The following AGBL1 variants were observed in gnomAD, a reference collection of about 807,000 sequenced individuals.
AGBL1 encodes AGBL carboxypeptidase 1.
A neutral mutation model predicts 118.9 loss-of-function variants in AGBL1; 130 were observed. That is an observed-to-expected ratio of 1.09 (90% CI 0.95 to 1.26). The LOEUF (loss-of-function observed/expected upper bound fraction) is 1.26. Among genes scored for constraint, AGBL1 ranks in the 50% most tolerant of loss-of-function variants. AGBL1 has a pLI of 0.00. For missense variants in AGBL1, 1,584 were observed against 1,298.1 expected (o/e 1.22, Z -3.38); for synonymous variants, 555 against 478.9 (o/e 1.16, Z -2.08).
intron 24 of AGBL1, among the ~76,000 whole-genome samples, chr15:87,003,430 A>G (rs191126087): frequency 1.1e-4 from 17 of 151,266 alleles, no homozygotes; most frequent in African/African-American, 3.9e-4. Flanking sequence ...ATATTGGTCT[A>G]AAATTCTCTT....
chr15:86,857,817 G>C lies in AGBL1; in HGVS notation c.3159-49270G>C, dbSNP rs115250153. Among the ~76,000 whole-genome samples, 688 of 152,306 alleles carry C rather than the reference G, an allele frequency of 4.5e-3. 7 individuals carry two copies. Among genetic ancestry groups the C allele is most frequent in the African/African-American group, 0.016 (653 of 41,586 alleles). On this transcript the variant is annotated intron_variant, in intron 22 of 22. Transcript: ENST00000614907. ...GGTCTCAATAAATATTCACTGGCAT[G>C]ATGAGTTAATCCACTCCAGTCGGCC...
chr15:86,920,403 A>G (rs561367990), downstream of AGBL1, among the ~76,000 whole-genome samples: 2 of 152,170 alleles, frequency 1.3e-5, no homozygotes, highest in Non-Finnish European at 2.9e-5. Context: ...TTAATAGGCT[A>G]GTGTGATTAG....
At chr15:86,838,301 A>G (rs1411816523) in intron 22 of AGBL1, among the ~76,000 whole-genome samples, 2 of 152,174 alleles carry the variant, frequency 1.3e-5, no homozygotes, top group Non-Finnish European at 2.9e-5. Context: ...TTAGTGTGTT[A>G]TATACCAAGC....
chr15:86,687,685 T>C (rs2086084311), intron 22 of AGBL1, among the ~76,000 whole-genome samples: 1 of 152,194 alleles, frequency 6.6e-6, no homozygotes, highest in Admixed American at 6.5e-5. Flanking sequence ...CAAGTTGCTA[T>C]GGAGTAGATT....
In AGBL1 at chr15:86,147,114, G is replaced by T. The variant is rs535160800; in HGVS notation, c.262+3269G>T. Among the ~76,000 whole-genome samples the T allele has an allele frequency of 5.1e-4, 77 of 152,300 alleles. 3 individuals carry two copies. In the South Asian group the frequency reaches 0.016, roughly 31 times the overall value. On this transcript the variant is annotated intron_variant, in intron 3 of 22. Coordinates refer to ENST00000614907, the MANE Select transcript of AGBL1 (RefSeq NM_001386094.1). ...CTGTCAGGTTATTTGGAACAGTAATGTAGAAATATTAGAGGGGAAATAGGG... is the reference window on the plus strand; with the variant it reads ...CTGTCAGGTTATTTGGAACAGTAATTTAGAAATATTAGAGGGGAAATAGGG...
chr15:86,515,779 G>C (rs185329830), intron 18 of AGBL1, among the ~76,000 whole-genome samples: 1 of 152,272 alleles, frequency 6.6e-6, no homozygotes, highest in Non-Finnish European at 1.5e-5. Flanking sequence ...TGTTGGTCTT[G>C]TGAACACAAA....
At position 86,867,963 on chromosome 15, in the gene AGBL1, C is replaced by A. The variant is rs1228884902; in HGVS notation, c.3159-39124C>A. ...ATAGCAATCGTTACAGAGAGGTGAG[C>A]CCTTATTTTGGTGTTTCATAAATGC... On this transcript the variant is annotated intron_variant, in intron 22 of 22. Transcript: ENST00000614907. Among the ~76,000 whole-genome samples, 4 of 152,086 alleles carry A rather than the reference C, an allele frequency of 2.6e-5. No homozygotes were observed. In the East Asian group the frequency reaches 7.7e-4, roughly 29 times the overall value.
chr15:86,992,928 T>C, intron 24 of AGBL1, among the ~76,000 whole-genome samples: 1 of 152,126 alleles, frequency 6.6e-6, no homozygotes, highest in East Asian at 1.9e-4. Context: ...ACTTGAGCTA[T>C]GCAAAGAGAC....
intron 23 of AGBL1, among the ~76,000 whole-genome samples, chr15:86,948,070 T>C (rs2080844029): frequency 6.6e-6 from 1 of 152,092 alleles, no homozygotes; most frequent in South Asian, 2.1e-4. Context: ...GCTATACTGG[T>C]TTAACATTTT....
intron 7 of AGBL1, 66 bp from the exon 8 acceptor site, chr15:86,256,787 A>G: frequency 2.0e-6 from 3 of 1,536,778 alleles, no homozygotes; most frequent in Non-Finnish European, 2.7e-6. Context: ...GAGTGTTATT[A>G]GCTGTGTTAC....
chr15:86,403,749 G>T (rs1024901321), intron 18 of AGBL1, among the ~76,000 whole-genome samples: 1 of 152,148 alleles, frequency 6.6e-6, no homozygotes, highest in Admixed American at 6.5e-5. Flanking sequence ...TTAAACAGCT[G>T]GTGTTACAGA....
chr15:86,818,515 A>C (rs752913603), intron 22 of AGBL1, among the ~76,000 whole-genome samples: 1 of 152,108 alleles, frequency 6.6e-6, no homozygotes, highest in South Asian at 2.1e-4. Flanking sequence ...CCAAACCCCA[A>C]CTGTGGTCCC....
chr15:86,936,742 G>A (rs2080680805), intron 23 of AGBL1, among the ~76,000 whole-genome samples: 1 of 152,116 alleles, frequency 6.6e-6, no homozygotes, highest in Admixed American at 6.5e-5. Context: ...CATAGGAACA[G>A]ACAAAGATTT....
chr15:86,931,603 T>G (rs1309705045), intron 23 of AGBL1, among the ~76,000 whole-genome samples: 1 of 152,010 alleles, frequency 6.6e-6, no homozygotes, highest in East Asian at 1.9e-4. Flanking sequence ...CTGCTGCTGC[T>G]GCTGCTGCTG....
At chr15:86,188,213 T>C (rs2077663262) in intron 5 of AGBL1, among the ~76,000 whole-genome samples, 1 of 152,112 alleles carries the variant, frequency 6.6e-6, no homozygotes, top group Non-Finnish European at 1.5e-5. Flanking sequence ...AAAGGGGAAA[T>C]TTTAGTAACT....
At chr15:86,644,194 C>T (rs1045867588) in intron 21 of AGBL1, among the ~76,000 whole-genome samples, 6 of 152,042 alleles carry the variant, frequency 3.9e-5, no homozygotes, top group Non-Finnish European at 7.4e-5. Flanking sequence ...TAAAGCAATT[C>T]CAATTATATT....
At chr15:86,624,570 G>A (rs1380550097) in intron 21 of AGBL1, among the ~76,000 whole-genome samples, 1 of 152,172 alleles carries the variant, frequency 6.6e-6, no homozygotes, top group Non-Finnish European at 1.5e-5. Context: ...GGCCCAAAAG[G>A]CTGCACATAA....
intron 5 of AGBL1, among the ~76,000 whole-genome samples, chr15:86,203,476 A>G (rs1189692353): frequency 6.6e-6 from 1 of 152,170 alleles, no homozygotes; most frequent in Non-Finnish European, 1.5e-5. Flanking sequence ...GTATCTGTGT[A>G]TTTCTCAAGT....
intron 22 of AGBL1, among the ~76,000 whole-genome samples, chr15:86,843,883 G>A (rs1346200288): frequency 6.6e-6 from 1 of 151,894 alleles, no homozygotes; most frequent in African/African-American, 2.4e-5. Context: ...TCCGCCAGGA[G>A]TTAATCCTTC....
Sources: allele counts gnomAD v4.1 joint callset (sites outside exome capture counted in the v4.1 genomes callset), GRCh38; gene constraint gnomAD v4.1.1; transcripts MANE v1.5; gene names NCBI Gene and HGNC (gene_info 2026-07-23, HGNC 2026-07-21).